Variants in CRACR2A observed in about 807,000 individuals in gnomAD.
The protein encoded by CRACR2A is EF-hand calcium-binding domain-containing protein 4B.
CRACR2A carries 79 observed loss-of-function variants against 90.5 expected under a neutral mutation model. That is an observed-to-expected ratio of 0.87 (90% CI 0.73 to 1.05). CRACR2A has a LOEUF of 1.05. Ranked by LOEUF, CRACR2A falls within the 50% of genes least tolerant of loss-of-function variation. The probability of loss-of-function intolerance (pLI) is 0.00; values close to 1 mark genes in which losing one functional copy is unlikely to be tolerated. For synonymous variants in CRACR2A, 338 were observed against 356.7 expected (o/e 0.95, Z 0.59); for missense variants, 823 against 897.2 (o/e 0.92, Z 1.06).
intron 1 of CRACR2A, among the ~76,000 whole-genome samples, chr12:3,742,267 G>T (rs1946538742): frequency 6.6e-6 from 1 of 152,196 alleles, no homozygotes; most frequent in African/African-American, 2.4e-5. Context: ...GGCTTTTCCT[G>T]GTGGATAACT....
intron 7 of CRACR2A, among the ~76,000 whole-genome samples, chr12:3,667,862 T>C (rs1945175332): frequency 6.6e-6 from 1 of 152,208 alleles, no homozygotes; most frequent in Non-Finnish European, 1.5e-5. Flanking sequence ...TGCACACACA[T>C]ACATGCATGA....
intron 17 of CRACR2A, 24 bp from the exon 18 acceptor site, chr12:3,619,396 A>G: frequency 1.3e-6 from 2 of 1,537,744 alleles, no homozygotes; most frequent in South Asian, 1.2e-5. Context: ...AATGTTTTCA[A>G]CTGAGAGGGG....
Position 3,746,717 on chromosome 12 carries a change from C to T in CRACR2A, c.-387+6298G>A, listed in dbSNP as rs573537344. Among the ~76,000 whole-genome samples, 3 of 152,358 alleles carry T rather than the reference C, an allele frequency of 2.0e-5. No homozygotes were observed. The highest frequency in any genetic ancestry group is 3.9e-4 in the East Asian group (2 of 5,182). On this transcript the variant is annotated intron_variant, in intron 1 of 19. Transcript: ENST00000440314. The surrounding 1 kb of genome is among the most constrained non-coding windows in gnomAD (Gnocchi z 4.4). ...CTTTGCTGGCACAGCAGGGACTTAG[C>T]ATGCATGGAAGCTAATTAGGTGAGA...
chr12:3,641,251 G>A (rs1179732431), intron 13 of CRACR2A, among the ~76,000 whole-genome samples: 1 of 152,186 alleles, frequency 6.6e-6, no homozygotes, highest in Non-Finnish European at 1.5e-5. Flanking sequence ...GGCTGAGGCA[G>A]GAGAATCGCT....
At chr12:3,624,820 G>A (rs2137292598) in intron 17 of CRACR2A, among the ~76,000 whole-genome samples, 1 of 152,356 alleles carries the variant, frequency 6.6e-6, no homozygotes, top group African/African-American at 2.4e-5. Context: ...CTGAAGCAGA[G>A]ACTGCATTTT....
intron 7 of CRACR2A, among the ~76,000 whole-genome samples, chr12:3,670,459 A>G (rs1160109673): frequency 6.6e-6 from 1 of 151,900 alleles, no homozygotes; most frequent in Non-Finnish European, 1.5e-5. Flanking sequence ...CTCCAAACTC[A>G]CTTTCTAGAT....
intron 2 of CRACR2A, among the ~76,000 whole-genome samples, chr12:3,717,162 G>A (rs761296828): frequency 5.9e-5 from 9 of 152,116 alleles, no homozygotes; most frequent in East Asian, 5.8e-4. Context: ...GCAAGGTCAC[G>A]AGAAATGCCC....
chr12:3,743,003 A>C (rs1387615430), intron 1 of CRACR2A, among the ~76,000 whole-genome samples: 2 of 152,232 alleles, frequency 1.3e-5, no homozygotes, highest in Admixed American at 1.3e-4. Flanking sequence ...ACAAGTACAT[A>C]TTAATCCATT....
At chr12:3,749,322 G>A (rs143517449) in intron 1 of CRACR2A, among the ~76,000 whole-genome samples, 145 of 152,328 alleles carry the variant, frequency 9.5e-4, no homozygotes, top group African/African-American at 3.2e-3. Flanking sequence ...GCCCGAGGTT[G>A]GATGATGTAT....
In CRACR2A at chr12:3,749,097, T is replaced by C. The variant is rs548354050; in HGVS notation, c.-387+3918A>G. Among the ~76,000 whole-genome samples, 256 of 152,338 alleles carry C rather than the reference T, an allele frequency of 1.7e-3. 3 individuals are homozygous for C. Among genetic ancestry groups the C allele is most frequent in the Admixed American group, 7.0e-3 (107 of 15,308 alleles). On this transcript the variant is annotated intron_variant, in intron 1 of 19. Transcript: ENST00000440314. ...ACATGATACTGTGCCTCTCTCTTCC[T>C]CAGTTAACTTTTCTATAAAATGGGC...
rs1454042155 is a variant in CRACR2A at position 3,619,398 on chromosome 12, T to G, written c.1933-26A>C. 9 of 1,533,302 alleles carry G rather than the reference T, an allele frequency of 5.9e-6. No homozygotes were observed. The Admixed American group carries it at 1.8e-4, about 30-fold the overall frequency. 95.0% of individuals were successfully genotyped at this position (1,533,302 alleles called of 1,614,324 possible). On this transcript the variant is annotated intron_variant, in intron 17 of 19. Coordinates refer to ENST00000440314, the MANE Select transcript of CRACR2A (RefSeq NM_001144958.2). ...CTGCAGAACAGAAAATGTTTTCAAC[T>G]GAGAGGGGTGTCATAGGATTGCCCA...
intron 1 of CRACR2A, among the ~76,000 whole-genome samples, chr12:3,740,064 G>A (rs899594143): frequency 2.6e-5 from 4 of 152,034 alleles, no homozygotes; most frequent in African/African-American, 7.3e-5. Context: ...TGGTCCATCC[G>A]TACTGCAAAA....
intron 17 of CRACR2A, among the ~76,000 whole-genome samples, chr12:3,620,105 G>A (rs1239937273): frequency 3.9e-5 from 6 of 152,230 alleles, no homozygotes; most frequent in Non-Finnish European, 5.9e-5. Context: ...CCCAATGGCT[G>A]TGGCTTACCA....
intron 17 of CRACR2A, among the ~76,000 whole-genome samples, chr12:3,625,946 G>A (rs546060092): frequency 1.3e-4 from 20 of 152,248 alleles, no homozygotes; most frequent in Middle Eastern, 3.4e-3. Context: ...AGATCGTGTC[G>A]TAAACTCCAA....
intron 4 of CRACR2A, among the ~76,000 whole-genome samples, chr12:3,680,980 C>A (rs930127700): frequency 6.6e-6 from 1 of 152,260 alleles, no homozygotes; most frequent in South Asian, 2.1e-4. Context: ...CAAGGAAGTA[C>A]GTGGCAGAGC....
At chr12:3,725,843 G>C (rs1440120487) in intron 2 of CRACR2A, 1 of 152,126 alleles carries the variant, frequency 6.6e-6, no homozygotes, top group South Asian at 2.1e-4. Flanking sequence ...CACATCTCCC[G>C]GACAGTACTT....
intron 4 of CRACR2A, among the ~76,000 whole-genome samples, chr12:3,685,099 T>A (rs1317853272): frequency 6.6e-6 from 1 of 152,246 alleles, no homozygotes; most frequent in Non-Finnish European, 1.5e-5. Context: ...TCCCCAAGCA[T>A]GACAATTGGT....
intron 1 of CRACR2A, among the ~76,000 whole-genome samples, chr12:3,748,518 T>C (rs1268495570): frequency 6.6e-6 from 1 of 152,160 alleles, no homozygotes; most frequent in Admixed American, 6.5e-5. Flanking sequence ...CTGAAGAATC[T>C]GTCACAAAAG....
chr12:3,639,176 G>C (rs998741012), intron 13 of CRACR2A, among the ~76,000 whole-genome samples: 2 of 152,144 alleles, frequency 1.3e-5, no homozygotes, highest in Non-Finnish European at 2.9e-5. Flanking sequence ...AAGAAAGCCA[G>C]GCAGAGCATC....
Sources: gnomAD v4.1 joint callset for allele counts (sites outside exome capture counted in the v4.1 genomes callset) on GRCh38, gnomAD v4.1.1 for gene constraint, Gnocchi (gnomAD v3.1) non-coding constraint, MANE v1.5 for transcripts, NCBI Gene and HGNC (gene_info 2026-07-23, HGNC 2026-07-21) for gene names.